Variants in SCFD2 observed in about 807,000 individuals in gnomAD.
SCFD2 encodes the protein sec1 family domain-containing protein 2.
A neutral mutation model predicts 58.9 loss-of-function variants in SCFD2; 54 were observed. That is an observed-to-expected ratio of 0.92 (90% CI 0.74 to 1.15). The LOEUF (loss-of-function observed/expected upper bound fraction) is 1.15. Ranked by LOEUF, SCFD2 falls within the 50% of genes most tolerant of loss-of-function variation. SCFD2 has a pLI of 0.00. For synonymous variants in SCFD2, 321 were observed against 335.9 expected (o/e 0.96, Z 0.49); for missense variants, 805 against 836.6 (o/e 0.96, Z 0.47).
chr4:53,295,538 C>T, intron 3 of SCFD2, among the ~76,000 whole-genome samples: 1 of 152,118 alleles, frequency 6.6e-6, no homozygotes, highest in East Asian at 1.9e-4. Context: ...AGATTTTGGG[C>T]TGAGATGATG....
At chr4:53,172,442 T>TC (rs1439456700) in intron 4 of SCFD2, among the ~76,000 whole-genome samples, 1 of 152,240 alleles carries the variant, frequency 6.6e-6, no homozygotes, top group African/African-American at 2.4e-5. Flanking sequence ...GTTGTTTATT[T>TC]CAGATCTTTC....
At chr4:53,105,816 T>C (rs762857733) in intron 5 of SCFD2, among the ~76,000 whole-genome samples, 28 of 152,152 alleles carry the variant, frequency 1.8e-4, no homozygotes, top group Non-Finnish European at 3.7e-4. Context: ...GCAGAAGTCC[T>C]AACACAGTGC....
intron 5 of SCFD2, among the ~76,000 whole-genome samples, chr4:53,024,040 AGTCAGCAGCAGCCTTATTCTTG>A (rs1240661886): frequency 6.6e-6 from 1 of 152,200 alleles, no homozygotes; most frequent in Non-Finnish European, 1.5e-5. Context: ...CAAACTCCAC[AGTCAGCAGCAGCCTTATTCTTG>A]GGCATCTAGA....
chr4:53,235,737 T>G (rs950663306), intron 4 of SCFD2, among the ~76,000 whole-genome samples: 3 of 152,206 alleles, frequency 2.0e-5, no homozygotes, highest in African/African-American at 4.8e-5. Flanking sequence ...GTTTTCTGTA[T>G]GTAAGCCTGA....
chr4:53,085,445 T>C (rs891169259), intron 5 of SCFD2, among the ~76,000 whole-genome samples: 3 of 152,090 alleles, frequency 2.0e-5, no homozygotes, highest in African/African-American at 7.2e-5. Flanking sequence ...ATATTGTTAG[T>C]ATGTCCATAC....
In SCFD2 at chr4:53,131,306, G is replaced by A. The variant is rs79325311; in HGVS notation, c.1561+14027C>T. 1.3e-3 allele frequency among the ~76,000 whole-genome samples: 201 copies of A among 152,270 alleles called. 4 individuals carry two copies. In the East Asian group the frequency reaches 0.034, roughly 26 times the overall value. On this transcript the variant is annotated intron_variant, in intron 5 of 8. Transcript: ENST00000401642. ...CAGGATGAATCGGTGGGTATGCAAC[G>A]AGTCAGAGATGTCAGATAGAAGGCC...
intron 4 of SCFD2, among the ~76,000 whole-genome samples, chr4:53,235,164 T>C (rs1347681222): frequency 2.0e-5 from 3 of 152,252 alleles, no homozygotes; most frequent in African/African-American, 7.2e-5. Flanking sequence ...AGGTCTCATT[T>C]GCCAGAACCT....
rs539820491 is a variant in SCFD2 at position 53,085,584 on chromosome 4, C to T, written c.1561+59749G>A. Reference sequence around the variant, plus strand: ...AAGACCAAGAATAGCCAAAGCTATTCTGTGCAAAAATAACAAAACTGGAGG... The same window carrying T: ...AAGACCAAGAATAGCCAAAGCTATTTTGTGCAAAAATAACAAAACTGGAGG... On this transcript the variant is annotated intron_variant, in intron 5 of 8. Coordinates refer to ENST00000401642, the MANE Select transcript of SCFD2 (RefSeq NM_152540.4). Among the ~76,000 whole-genome samples, 10 of 152,248 alleles carry T rather than the reference C, an allele frequency of 6.6e-5. No individual in the cohort carries two copies. The South Asian group carries it at 2.1e-3, about 32-fold the overall frequency.
chr4:53,178,380 G>C (rs1227698088), intron 4 of SCFD2, among the ~76,000 whole-genome samples: 1 of 152,182 alleles, frequency 6.6e-6, no homozygotes, highest in East Asian at 1.9e-4. Flanking sequence ...ATGATACCCA[G>C]GCAAACAGGG....
intron 5 of SCFD2, among the ~76,000 whole-genome samples, chr4:53,120,480 C>T (rs1433915854): frequency 6.6e-6 from 1 of 152,112 alleles, no homozygotes; most frequent in Non-Finnish European, 1.5e-5. Context: ...TCTATGAAGC[C>T]CTAGTCCTAA....
At chr4:53,106,813 T>C (rs1226381942) in intron 5 of SCFD2, among the ~76,000 whole-genome samples, 1 of 152,104 alleles carries the variant, frequency 6.6e-6, no homozygotes, top group Non-Finnish European at 1.5e-5. Flanking sequence ...CAGGATATTA[T>C]CCAGGAGAAC....
At chr4:53,328,902 C>A (rs964755538) in intron 2 of SCFD2, among the ~76,000 whole-genome samples, 2 of 152,218 alleles carry the variant, frequency 1.3e-5, no homozygotes, top group Non-Finnish European at 2.9e-5. Context: ...CATGCGCGAG[C>A]CGAAGCAGGG....
chr4:53,013,701 G>A lies in SCFD2; in HGVS notation c.1562-92831C>T, dbSNP rs111552430. Among the ~76,000 whole-genome samples the A allele has an allele frequency of 5.2e-3, 791 of 152,238 alleles. 1 individual carries two copies. Among genetic ancestry groups the A allele is most frequent in the Non-Finnish European group, 8.3e-3 (563 of 68,020 alleles). On this transcript the variant is annotated intron_variant, in intron 5 of 8. Transcript: ENST00000401642. ...TTCTGAGAATAACTTTTGCTGGAAC[G>A]TCCTCTGAGATCATTAGGCCCATCT... is the stretch of plus-strand genomic sequence containing the variant.
chr4:53,272,268 G>T (rs113219069), intron 4 of SCFD2, among the ~76,000 whole-genome samples: 109,229 of 151,638 alleles, frequency 0.72, 39,738 homozygotes, highest in Middle Eastern at 0.8. Context: ...GTAAACTAGT[G>T]CAACCATTGT....
chr4:53,353,192 G>C (rs1239924411), intron 1 of SCFD2, among the ~76,000 whole-genome samples: 1 of 152,158 alleles, frequency 6.6e-6, no homozygotes, highest in Non-Finnish European at 1.5e-5. Flanking sequence ...GGTCTCGCTG[G>C]CTTCAGGAGT....
At chr4:53,062,554 G>A (rs1386338449) in intron 5 of SCFD2, among the ~76,000 whole-genome samples, 1 of 152,012 alleles carries the variant, frequency 6.6e-6, no homozygotes, top group African/African-American at 2.4e-5. Context: ...AGAATGACAG[G>A]CATTTTTTTG....
At chr4:52,985,448 G>T (rs1721467117) in intron 5 of SCFD2, among the ~76,000 whole-genome samples, 2 of 152,064 alleles carry the variant, frequency 1.3e-5, no homozygotes, top group African/African-American at 4.8e-5. Flanking sequence ...AGTTATTGAG[G>T]ATCCCAAATG....
At chr4:53,334,942 A>G (rs142014499) in intron 2 of SCFD2, among the ~76,000 whole-genome samples, 16,063 of 152,148 alleles carry the variant, frequency 0.11, 956 homozygotes, top group East Asian at 0.22. Flanking sequence ...CACACCTGCA[A>G]TCCCAGCACT....
chr4:53,269,355 T>C (rs1280325652), intron 4 of SCFD2, among the ~76,000 whole-genome samples: 1 of 151,890 alleles, frequency 6.6e-6, no homozygotes, highest in Non-Finnish European at 1.5e-5. Context: ...ATGAAAGTAA[T>C]ATGAGCTCAT....
Sources: allele counts gnomAD v4.1 joint callset (sites outside exome capture counted in the v4.1 genomes callset), GRCh38; gene constraint gnomAD v4.1.1; transcripts MANE v1.5; gene names NCBI Gene and HGNC (gene_info 2026-07-23, HGNC 2026-07-21).